The following AUTS2 variants were observed in gnomAD, a reference collection of about 807,000 sequenced individuals.
The protein encoded by AUTS2 is activator of transcription and developmental regulator AUTS2.
AUTS2 carries 17 observed loss-of-function variants against 112.4 expected under a neutral mutation model. The observed-to-expected ratio is 0.15, with a 90% CI of 0.10 to 0.23. The LOEUF (loss-of-function observed/expected upper bound fraction) is 0.23. AUTS2 is among the 10% of genes least tolerant of loss of function. The pLI, the probability that AUTS2 is intolerant of heterozygous loss-of-function variation, is 1.00. For missense variants in AUTS2, 1,510 were observed against 1,701.6 expected (o/e 0.89, Z 1.98); for synonymous variants, 751 against 702.7 (o/e 1.07, Z -1.09).
Position 70,455,353 on chromosome 7 carries a change from C to T in AUTS2, c.690+19572C>T, listed in dbSNP as rs1303861639. On this transcript the variant is annotated intron_variant, in intron 5 of 18. Coordinates refer to ENST00000342771, the MANE Select transcript of AUTS2 (RefSeq NM_015570.4). The stretch of plus-strand genomic sequence containing the variant: ...CCTTCATCTTGGGTGCTACAGGTGG[C>T]AATGGCAAGGACTGAAGTGGGGAGA... 2.6e-5 allele frequency among the ~76,000 whole-genome samples: 4 copies of T among 152,238 alleles called. No homozygotes were observed. The East Asian group carries it at 7.7e-4, about 29-fold the overall frequency.
chr7:70,152,805 A>G (rs1195361731), intron 4 of AUTS2, among the ~76,000 whole-genome samples: 1 of 152,202 alleles, frequency 6.6e-6, no homozygotes, highest in Non-Finnish European at 1.5e-5. Flanking sequence ...TAATAGGTAT[A>G]TAGTAATATA....
intron 2 of AUTS2, among the ~76,000 whole-genome samples, chr7:70,007,066 T>C (rs1283706192): frequency 6.6e-6 from 1 of 152,162 alleles, no homozygotes; most frequent in Admixed American, 6.5e-5. Flanking sequence ...AATTACTTTT[T>C]TTACACCTAT....
At chr7:70,730,148 C>T (rs1346835423) in intron 6 of AUTS2, among the ~76,000 whole-genome samples, 1 of 152,112 alleles carries the variant, frequency 6.6e-6, no homozygotes, top group Non-Finnish European at 1.5e-5. Context: ...TCCCAAAGTG[C>T]TGGGATTACA....
At chr7:70,172,801 C>T (rs1311245368) in intron 4 of AUTS2, among the ~76,000 whole-genome samples, 1 of 152,108 alleles carries the variant, frequency 6.6e-6, no homozygotes, top group African/African-American at 2.4e-5. Context: ...GATTATGAAA[C>T]ATCATTATTA....
Position 70,755,649 on chromosome 7 carries a change from G to A in AUTS2, c.743-7221G>A, listed in dbSNP as rs185909077. Among the ~76,000 whole-genome samples the A allele has an allele frequency of 4.2e-3, 633 of 151,984 alleles. 7 individuals carry two copies. Among genetic ancestry groups the A allele is most frequent in the African/African-American group, 0.014 (564 of 41,436 alleles). Reference sequence around the variant, plus strand: ...TATGCCACTGCACTCCACCCTGGGCGACAGAGTGAGACTCCATCTCAAAAA... The same window carrying A: ...TATGCCACTGCACTCCACCCTGGGCAACAGAGTGAGACTCCATCTCAAAAA... On this transcript the variant is annotated intron_variant, in intron 6 of 18. Coordinates refer to ENST00000342771, the MANE Select transcript of AUTS2 (RefSeq NM_015570.4).
chr7:69,814,407 A>C (rs1179903618), intron 1 of AUTS2, among the ~76,000 whole-genome samples: 1 of 152,196 alleles, frequency 6.6e-6, no homozygotes, highest in Non-Finnish European at 1.5e-5. Flanking sequence ...TCACAAAAGC[A>C]CTTTGTGGAC....
At chr7:69,942,947 C>T (rs1256547491) in intron 2 of AUTS2, among the ~76,000 whole-genome samples, 1 of 152,228 alleles carries the variant, frequency 6.6e-6, no homozygotes, top group Non-Finnish European at 1.5e-5. Context: ...ATCAAGTGCA[C>T]TGATTGAAAA....
At chr7:70,693,968 G>T (rs1295933403) in intron 5 of AUTS2, 1 of 151,918 alleles carries the variant, frequency 6.6e-6, no homozygotes, top group Non-Finnish European at 1.5e-5. Context: ...GGGGCGGCGA[G>T]GGGCGGGGCG....
chr7:70,562,060 C>G (rs1801511151), intron 5 of AUTS2, among the ~76,000 whole-genome samples: 1 of 152,138 alleles, frequency 6.6e-6, no homozygotes, highest in Admixed American at 6.6e-5. Context: ...CACCACGTGC[C>G]CTGTTGACTA....
chr7:70,491,823 C>T (rs1798258343), intron 5 of AUTS2, among the ~76,000 whole-genome samples: 1 of 152,044 alleles, frequency 6.6e-6, no homozygotes, highest in Admixed American at 6.5e-5. Flanking sequence ...CCATGTTGGC[C>T]AGACTGGTCC....
chr7:69,858,647 T>A (rs1457283656), intron 1 of AUTS2, among the ~76,000 whole-genome samples: 1 of 152,178 alleles, frequency 6.6e-6, no homozygotes, highest in East Asian at 1.9e-4. Context: ...CATGTGATGC[T>A]TTGATTGGCT....
chr7:70,083,875 A>T (rs562482383), intron 2 of AUTS2, among the ~76,000 whole-genome samples: 1 of 152,264 alleles, frequency 6.6e-6, no homozygotes, highest in Admixed American at 6.5e-5. Flanking sequence ...TGAGCCCAAG[A>T]GGTCAAGACT....
intron 2 of AUTS2, among the ~76,000 whole-genome samples, chr7:69,958,942 T>C (rs1205971907): frequency 6.6e-6 from 1 of 152,202 alleles, no homozygotes; most frequent in Non-Finnish European, 1.5e-5. Flanking sequence ...TAGATGCTTC[T>C]GTGATATGTA....
intron 1 of AUTS2, among the ~76,000 whole-genome samples, chr7:69,686,667 C>G (rs1315790397): frequency 6.6e-6 from 1 of 152,132 alleles, no homozygotes; most frequent in Non-Finnish European, 1.5e-5. Context: ...ATAAAGGCTT[C>G]TAAGAATTAA....
intron 1 of AUTS2, among the ~76,000 whole-genome samples, chr7:69,707,870 A>G (rs1212673236): frequency 6.6e-6 from 1 of 152,222 alleles, no homozygotes; most frequent in Non-Finnish European, 1.5e-5. Flanking sequence ...TAGGTCTTAG[A>G]GAAAGCCCTT....
At chr7:70,782,366 GCT>G (rs1791147764) in intron 15 of AUTS2, 1 of 152,206 alleles carries the variant, frequency 6.6e-6, no homozygotes, top group Non-Finnish European at 1.5e-5. Flanking sequence ...CAAGTGACCT[GCT>G]CATCGGATCT....
chr7:70,047,381 G>C (rs1554435750), intron 2 of AUTS2, among the ~76,000 whole-genome samples: 1 of 152,146 alleles, frequency 6.6e-6, no homozygotes, highest in Non-Finnish European at 1.5e-5. Context: ...ATATATTGTA[G>C]TACAGCACAG....
intron 1 of AUTS2, among the ~76,000 whole-genome samples, chr7:69,648,264 A>G (rs1007580069): frequency 6.6e-6 from 1 of 152,184 alleles, no homozygotes; most frequent in Non-Finnish European, 1.5e-5. Context: ...GTATATAAGT[A>G]TGAGTGATAT....
chr7:70,458,405 G>T (rs1796831590), intron 5 of AUTS2, among the ~76,000 whole-genome samples: 1 of 152,158 alleles, frequency 6.6e-6, no homozygotes, highest in Non-Finnish European at 1.5e-5. Flanking sequence ...TTTTTAGCAT[G>T]GTCTCTCAAG....
Sources: allele counts gnomAD v4.1 joint callset (sites outside exome capture counted in the v4.1 genomes callset), GRCh38; gene constraint gnomAD v4.1.1; transcripts MANE v1.5; gene names NCBI Gene and HGNC (gene_info 2026-07-23, HGNC 2026-07-21).